CORIN: variants seen among roughly 807,000 people sequenced by gnomAD.
The protein encoded by CORIN is corin, serine peptidase.
A neutral mutation model predicts 125.3 loss-of-function variants in CORIN; 117 were observed. That is an observed-to-expected ratio of 0.93 (90% CI 0.80 to 1.09). CORIN has a LOEUF of 1.09. Among genes scored for constraint, CORIN ranks in the 50% least tolerant of loss-of-function variants. The probability of loss-of-function intolerance (pLI) is 0.00; values close to 1 mark genes in which losing one functional copy is unlikely to be tolerated. For missense variants in CORIN, 1,253 were observed against 1,306.7 expected (o/e 0.96, Z 0.63); for synonymous variants, 450 against 466.4 (o/e 0.96, Z 0.45).
chr4:47,598,138 T>C (rs1177179058), intron 21 of CORIN, among the ~76,000 whole-genome samples: 1 of 152,190 alleles, frequency 6.6e-6, no homozygotes, highest in East Asian at 1.9e-4. Context: ...CTCTTTGTAA[T>C]ATTGGGCTTG....
At chr4:47,837,047 G>T (rs1385530775) in intron 1 of CORIN, among the ~76,000 whole-genome samples, 2 of 152,196 alleles carry the variant, frequency 1.3e-5, no homozygotes, top group South Asian at 2.1e-4. Flanking sequence ...ACTGTCCGTG[G>T]TGCCCTTCCC....
chr4:47,732,565 C>CTT (rs35277149), intron 5 of CORIN, among the ~76,000 whole-genome samples: 69 of 138,168 alleles, frequency 5.0e-4, no homozygotes, highest in East Asian at 8.7e-4. Context: ...GTAATCTACT[C>CTT]TTTTTTTTTT....
chr4:47,767,158 T>C (rs1425641190), intron 3 of CORIN, among the ~76,000 whole-genome samples: 1 of 152,070 alleles, frequency 6.6e-6, no homozygotes, highest in African/African-American at 2.4e-5. Flanking sequence ...GCAAGAAATT[T>C]TGAAGTTTGT....
At chr4:47,832,611 A>C (rs893031011) in intron 1 of CORIN, among the ~76,000 whole-genome samples, 1 of 151,386 alleles carries the variant, frequency 6.6e-6, no homozygotes, top group Non-Finnish European at 1.5e-5. Context: ...CGCCCTGGTA[A>C]TTTTTTTGTA....
intron 3 of CORIN, among the ~76,000 whole-genome samples, chr4:47,764,687 T>G (rs926368170): frequency 2.6e-5 from 4 of 152,168 alleles, no homozygotes; most frequent in Non-Finnish European, 5.9e-5. Flanking sequence ...TCTGAGTAAT[T>G]TCCATTACTT....
chr4:47,665,016 G>C lies in CORIN; in HGVS notation c.1589+16C>G, dbSNP rs760655116. 6.5e-7 allele frequency: 1 copy of C among 1,546,066 alleles called. No homozygotes were observed. The highest frequency in any genetic ancestry group is 1.1e-5 in the South Asian group (1 of 89,696). On this transcript the variant is annotated intron_variant, in intron 11 of 21. Transcript: ENST00000273857. ...TGAGGCAAAATAAGGGACTGGGGTA[G>C]ATCCCATCATATTACCTGCAAGGAG...
At chr4:47,804,772 T>G (rs1372502808) in intron 2 of CORIN, among the ~76,000 whole-genome samples, 1 of 150,884 alleles carries the variant, frequency 6.6e-6, no homozygotes, top group African/African-American at 2.4e-5. Flanking sequence ...AAATTATGTA[T>G]AGTTAGAAAG....
intron 5 of CORIN, among the ~76,000 whole-genome samples, chr4:47,710,420 T>C (rs1577851431): frequency 6.6e-6 from 1 of 152,268 alleles, no homozygotes; most frequent in South Asian, 2.1e-4. Flanking sequence ...GCAATGTTCA[T>C]GTGTATGACT....
At chr4:47,629,324 G>A (rs1206607135) in intron 16 of CORIN, among the ~76,000 whole-genome samples, 3 of 151,980 alleles carry the variant, frequency 2.0e-5, no homozygotes, top group African/African-American at 7.2e-5. Flanking sequence ...ATATTTGTTG[G>A]CCATTCTATG....
chr4:47,761,478 G>GAC (rs890952567), intron 4 of CORIN, among the ~76,000 whole-genome samples: 11 of 139,238 alleles, frequency 7.9e-5, no homozygotes, highest in African/African-American at 3.2e-4. Context: ...AAGAAAATGT[G>GAC]ATACACACAC....
chr4:47,711,896 G>A (rs1424584130), intron 5 of CORIN, among the ~76,000 whole-genome samples: 1 of 152,190 alleles, frequency 6.6e-6, no homozygotes, highest in African/African-American at 2.4e-5. Context: ...ATTTACTCAC[G>A]TTAGCTATAA....
intron 11 of CORIN, among the ~76,000 whole-genome samples, chr4:47,663,738 T>C (rs1181292789): frequency 6.6e-6 from 1 of 152,230 alleles, no homozygotes; most frequent in Non-Finnish European, 1.5e-5. Context: ...AATTATTCAC[T>C]ATCACTGACC....
At chr4:47,780,112 A>T in intron 3 of CORIN, among the ~76,000 whole-genome samples, 1 of 152,170 alleles carries the variant, frequency 6.6e-6, no homozygotes, top group East Asian at 1.9e-4. Context: ...GATTAGAATT[A>T]AGCTATTGCC....
intron 5 of CORIN, among the ~76,000 whole-genome samples, chr4:47,715,050 C>T (rs777919848): frequency 3.9e-5 from 6 of 152,060 alleles, no homozygotes; most frequent in Non-Finnish European, 7.4e-5. Flanking sequence ...CAGGAGGAGA[C>T]TCAAAGAATT....
At chr4:47,835,596 C>T (rs2110000642) in intron 1 of CORIN, among the ~76,000 whole-genome samples, 1 of 152,340 alleles carries the variant, frequency 6.6e-6, no homozygotes. Flanking sequence ...CTGGGCCACT[C>T]AGCTTCTCCT....
intron 16 of CORIN, among the ~76,000 whole-genome samples, chr4:47,641,716 T>C (rs1348475861): frequency 6.6e-6 from 1 of 152,182 alleles, no homozygotes; most frequent in Admixed American, 6.5e-5. Flanking sequence ...TTTAGAGGCT[T>C]CATCAAAGTA....
intron 5 of CORIN, among the ~76,000 whole-genome samples, chr4:47,724,711 G>A (rs1390102805): frequency 1.3e-5 from 2 of 152,128 alleles, no homozygotes; most frequent in African/African-American, 2.4e-5. Flanking sequence ...GAAAAACTAC[G>A]TGATCATGCC....
At chr4:47,698,645 G>C (rs1246331934) in intron 5 of CORIN, among the ~76,000 whole-genome samples, 1 of 152,082 alleles carries the variant, frequency 6.6e-6, no homozygotes, top group East Asian at 1.9e-4. Context: ...TATTGTGTTG[G>C]AAATAGACTC....
chr4:47,597,249 G>A (rs1257656874), intron 21 of CORIN, among the ~76,000 whole-genome samples: 1 of 151,992 alleles, frequency 6.6e-6, no homozygotes, highest in African/African-American at 2.4e-5. Flanking sequence ...CTACGCTGGA[G>A]GCTGAGGCAG....
Sources: gnomAD v4.1 joint callset for allele counts (sites outside exome capture counted in the v4.1 genomes callset) on GRCh38, gnomAD v4.1.1 for gene constraint, MANE v1.5 for transcripts, NCBI Gene and HGNC (gene_info 2026-07-23, HGNC 2026-07-21) for gene names.